CARS1: variants seen among roughly 807,000 people sequenced by gnomAD.
CARS1 encodes the protein cysteine--tRNA ligase, cytoplasmic.
Under a neutral mutation model 106.2 loss-of-function variants are expected in CARS1, and 48 were observed. The observed-to-expected ratio is 0.45, with a 90% CI of 0.36 to 0.57. The LOEUF is 0.57. Among genes scored for constraint, CARS1 ranks in the 20% least tolerant of loss-of-function variants. The probability of loss-of-function intolerance (pLI) is 0.00; values close to 1 mark genes in which losing one functional copy is unlikely to be tolerated. For missense variants in CARS1, 968 were observed against 1,057.2 expected (o/e 0.92, Z 1.17); for synonymous variants, 409 against 403.4 (o/e 1.01, Z -0.17).
At chr11:3,016,306 T>C (rs7118896) in intron 16 of CARS1, among the ~76,000 whole-genome samples, 88,612 of 150,950 alleles carry the variant, frequency 0.59, 28,630 homozygotes, top group African/African-American at 0.87. Context: ...CTGCAAGCTC[T>C]GCCTCCTGGG....
chr11:3,046,843 C>G lies in CARS1; in HGVS notation c.274+910G>C, dbSNP rs1046699104. 3.3e-5 allele frequency among the ~76,000 whole-genome samples: 5 copies of G among 152,224 alleles called. No homozygotes were observed. The highest frequency in any genetic ancestry group is 3.3e-4 in the Admixed American group (5 of 15,290). On this transcript the variant is annotated intron_variant, in intron 2 of 22. Coordinates refer to ENST00000380525, the MANE Select transcript of CARS1 (RefSeq NM_001014437.3). The surrounding 1 kb of genome is among the most constrained non-coding windows in gnomAD (Gnocchi z 5.8). ...CCCCCTCAGATTTGCCACAGAGTGA[C>G]AAAGCCATGCAGGCATCCCAGGAGT...
At chr11:3,010,313 C>T (rs996607058) in intron 18 of CARS1, among the ~76,000 whole-genome samples, 36 of 152,188 alleles carry the variant, frequency 2.4e-4, no homozygotes, top group African/African-American at 8.7e-4. Flanking sequence ...GGCCCGGGCT[C>T]GGCCTTCGAT....
At chr11:3,006,682 G>A (rs1468406624) in intron 19 of CARS1, among the ~76,000 whole-genome samples, 197 bp downstream of exon 19, 5 of 152,226 alleles carry the variant, frequency 3.3e-5, no homozygotes, top group Non-Finnish European at 1.5e-5. Context: ...GCAGTGGGAA[G>A]GAGCTACGGG....
Position 3,005,695 on chromosome 11 carries a change from C to T in CARS1, c.2150-262G>A, listed in dbSNP as rs576052102. Reference sequence around the variant, plus strand: ...TCATCCAGGCTGGAGTGCAGTGGCACGATCTCAGTTCACTGCAACCTTTGC... The same window carrying T: ...TCATCCAGGCTGGAGTGCAGTGGCATGATCTCAGTTCACTGCAACCTTTGC... On this transcript the variant is annotated intron_variant, in intron 19 of 22. Transcript: ENST00000380525. Among the ~76,000 whole-genome samples, 13 of 149,276 alleles carry T rather than the reference C, an allele frequency of 8.7e-5. No individual in the cohort carries two copies. In the East Asian group the frequency reaches 2.2e-3, roughly 25 times the overall value.
At chr11:3,032,340 G>C (rs1852957370) in intron 7 of CARS1, among the ~76,000 whole-genome samples, 2 of 152,102 alleles carry the variant, frequency 1.3e-5, no homozygotes, top group South Asian at 4.2e-4. Context: ...CAAAGTGCTG[G>C]GAGTTCAGGC....
chr11:3,056,850 G>A (rs1856257758), intron 1 of CARS1, among the ~76,000 whole-genome samples: 1 of 152,246 alleles, frequency 6.6e-6, no homozygotes, highest in African/African-American at 2.4e-5. Flanking sequence ...CTCCCGGGGT[G>A]AGGATGCAAG....
chr11:3,041,300 C>A lies in CARS1; in HGVS notation c.367-316G>T. On this transcript the variant is annotated intron_variant, in intron 3 of 22. Transcript: ENST00000380525. The surrounding 1 kb of genome is among the most constrained non-coding windows in gnomAD (Gnocchi z 4.9). ...TGCTGCTTATTTAACAATAACACAG[C>A]TAATATTTACTGAGTACCTACCATG... 2.7e-6 allele frequency: 1 copy of A among 366,910 alleles called. No homozygotes were observed. Among genetic ancestry groups the A allele is most frequent in the Non-Finnish European group, 5.1e-6 (1 of 196,300 alleles). The allele number at this position is 366,910 out of a possible 1,614,324, so 22.7% of individuals were successfully genotyped here. A position where few individuals can be genotyped will look rare whatever the true frequency, so the allele number is the denominator to read the frequency against.
rs2134071873 is a variant in CARS1, at chr11:3,002,588, TCTC to T, written c.2227_2229del (p.Glu743del). ...GCCGCCTCCTCTTTCTTCTTCCTCT[TCTC>T]CTCTTCAACCTGGAGGGTCAATACA... On this transcript the variant is annotated inframe_deletion, in exon 21 of 23. Transcript: ENST00000380525. 1.2e-6 allele frequency: 2 copies of T among 1,614,114 alleles called. No individual in the cohort carries two copies. The highest frequency in any genetic ancestry group is 1.7e-6 in the Non-Finnish European group (2 of 1,179,986).
In CARS1 at chr11:3,034,766, C is replaced by G. The variant is rs1412800095; in HGVS notation, c.801+3284G>C. Among the ~76,000 whole-genome samples the G allele has an allele frequency of 6.6e-6, 1 of 151,708 alleles. No homozygotes were observed. The highest frequency in any genetic ancestry group is 1.5e-5 in the Non-Finnish European group (1 of 67,952). ...GGCCAGGATGGTCTCGATCTCCTGA[C>G]CTCGTGATCTGCCCACCTCAGCCTC... On this transcript the variant is annotated intron_variant, in intron 7 of 22. Transcript: ENST00000380525. This position sits in a 1 kb window ranked among gnomAD's most constrained non-coding sequence, Gnocchi z 6.3.
At chr11:3,051,403 G>A (rs1855685550) in intron 1 of CARS1, among the ~76,000 whole-genome samples, 3 of 152,192 alleles carry the variant, frequency 2.0e-5, no homozygotes, top group Admixed American at 1.3e-4. Flanking sequence ...CTGAGAAGAA[G>A]GAGGCTGCTT....
intron 10 of CARS1, among the ~76,000 whole-genome samples, chr11:3,024,437 T>C (rs1851859201): frequency 9.8e-6 from 1 of 102,388 alleles, no homozygotes; most frequent in Non-Finnish European, 2.2e-5. Context: ...TCTTTTTTAT[T>C]TTAAAAAAAA....
chr11:3,001,424 G>A (rs905277645), intron 22 of CARS1, among the ~76,000 whole-genome samples, 176 bp from the exon 23 acceptor site: 1 of 152,160 alleles, frequency 6.6e-6, no homozygotes, highest in Non-Finnish European at 1.5e-5. Context: ...GGCAGTGCTG[G>A]CTCCAGCAGC....
At chr11:3,012,157 G>A in intron 18 of CARS1, 38 bp downstream of exon 18, 1 of 1,555,490 alleles carries the variant, frequency 6.4e-7, no homozygotes, top group Non-Finnish European at 8.9e-7. Flanking sequence ...CCAGTGAGGG[G>A]AGTGGCTCCC....
At chr11:3,013,667 A>AGT (rs1850715945) in intron 17 of CARS1, among the ~76,000 whole-genome samples, 1 of 151,842 alleles carries the variant, frequency 6.6e-6, no homozygotes, top group Admixed American at 6.6e-5. Flanking sequence ...TGGCCAACAT[A>AGT]GTGAAACCCC....
chr11:3,041,123 GAA>G lies in CARS1; in HGVS notation c.367-141_367-140del. 7.1e-7 allele frequency: 1 copy of G among 1,415,418 alleles called. No individual in the cohort carries two copies. The highest frequency in any genetic ancestry group is 2.0e-5 in the Admixed American group (1 of 50,220). The allele number at this position is 1,415,418 out of a possible 1,614,324, so 87.7% of individuals were successfully genotyped here. A position where few individuals can be genotyped will look rare whatever the true frequency, so the allele number is the denominator to read the frequency against. On this transcript the variant is annotated intron_variant, in intron 3 of 22. Transcript: ENST00000380525. The surrounding 1 kb of genome is among the most constrained non-coding windows in gnomAD (Gnocchi z 4.9). ...AACAGAGACCATTTTGTTTTACTGT[GAA>G]AAGTCACAGTCTCAGTGGGAGCCCA...
Position 3,040,853 on chromosome 11 carries a change from G to A in CARS1, c.455+43C>T, listed in dbSNP as rs374189475. 1.1e-5 allele frequency: 18 copies of A among 1,599,512 alleles called. No homozygotes were observed. The highest frequency in any genetic ancestry group is 2.7e-5 in the African/African-American group (2 of 74,498). ...GGATCCCAATGGCTCTGACTTCTGC[G>A]TGCAACTGCAGAAGCTGCAGGGACA... On this transcript the variant is annotated intron_variant, in intron 4 of 22. Transcript: ENST00000380525. This position sits in a 1 kb window ranked among gnomAD's most constrained non-coding sequence, Gnocchi z 5.8.
rs1164525878 is a variant in CARS1, at chr11:3,050,121, T to C, written c.26-2120A>G. Among the ~76,000 whole-genome samples, 1 of 152,178 alleles carries C rather than the reference T, an allele frequency of 6.6e-6. No individual in the cohort carries two copies. The highest frequency in any genetic ancestry group is 1.5e-5 in the Non-Finnish European group (1 of 68,030). On this transcript the variant is annotated intron_variant, in intron 1 of 22. Transcript: ENST00000380525. This position sits in a 1 kb window ranked among gnomAD's most constrained non-coding sequence, Gnocchi z 6.3. ...TCCGTGGCTGCCGGAGAAGATGTCC[T>C]GAAGCCACCTCTTCTCTGCAGTAAA...
intron 7 of CARS1, among the ~76,000 whole-genome samples, chr11:3,036,547 G>A (rs1853663580): frequency 6.6e-6 from 1 of 152,228 alleles, no homozygotes; most frequent in Non-Finnish European, 1.5e-5. Context: ...AGGATGTGGA[G>A]AAAACAGAAC....
chr11:3,002,632 G>C (rs1228075900), intron 20 of CARS1, 32 bp from the exon 21 acceptor site: 2 of 1,613,316 alleles, frequency 1.2e-6, no homozygotes, highest in South Asian at 1.1e-5. Context: ...AGATGAGACA[G>C]GGCTGCCTCA....
Sources: allele counts gnomAD v4.1 joint callset (sites outside exome capture counted in the v4.1 genomes callset), GRCh38; gene constraint gnomAD v4.1.1; non-coding constraint Gnocchi (gnomAD v3.1); transcripts MANE v1.5; gene names NCBI Gene and HGNC (gene_info 2026-07-23, HGNC 2026-07-21).